The following TRIM2 variants were observed in gnomAD, a reference collection of about 807,000 sequenced individuals.
TRIM2 encodes the protein tripartite motif-containing protein 2.
In TRIM2, 20 loss-of-function variants were observed where a neutral mutation model predicts 75.2. The ratio of observed to expected loss-of-function variants is 0.27; its 90% CI spans 0.19 to 0.39. The LOEUF is 0.39. Ranked by LOEUF, TRIM2 falls within the 10% of genes least tolerant of loss-of-function variation. The probability of loss-of-function intolerance (pLI) is 1.00; values close to 1 mark genes in which losing one functional copy is unlikely to be tolerated. For synonymous variants in TRIM2, 373 were observed against 388.3 expected (o/e 0.96, Z 0.46); for missense variants, 660 against 990.8 (o/e 0.67, Z 4.48).
In TRIM2 at chr4:153,295,127, A is replaced by G. The variant is rs1011921991; in HGVS notation, c.787-186A>G. The stretch of plus-strand genomic sequence containing the variant: ...GGGCGAGGCGGAAGGGAAACCTCGA[A>G]AAGGTACTGGGAATGCAGTTTAGGA... On this transcript the variant is annotated intron_variant, in intron 5 of 11. Transcript: ENST00000338700. The surrounding 1 kb of genome is among the most constrained non-coding windows in gnomAD (Gnocchi z 7.2). 1.3e-5 allele frequency among the ~76,000 whole-genome samples: 2 copies of G among 152,224 alleles called. No homozygotes were observed. Among genetic ancestry groups the G allele is most frequent in the Non-Finnish European group, 2.9e-5 (2 of 68,042 alleles).
intron 1 of TRIM2, among the ~76,000 whole-genome samples, chr4:153,266,032 A>G (rs925817369): frequency 2.6e-5 from 4 of 152,058 alleles, no homozygotes; most frequent in African/African-American, 9.7e-5. Flanking sequence ...TTAGAGAGAC[A>G]CTCTATGGAA....
chr4:153,259,180 G>A (rs1369825514), intron 1 of TRIM2, among the ~76,000 whole-genome samples: 1 of 152,148 alleles, frequency 6.6e-6, no homozygotes, highest in Non-Finnish European at 1.5e-5. Flanking sequence ...TTTTTTAAAA[G>A]AAGACTAAAA....
chr4:153,200,724 AATATATAT>A (rs1328920767), upstream of TRIM2, among the ~76,000 whole-genome samples: 1 of 138,142 alleles, frequency 7.2e-6, no homozygotes. Context: ...AAGAAAAAAA[AATATATAT>A]ATATATATAT....
chr4:153,211,689 A>G (rs1397972301), intron 1 of TRIM2, among the ~76,000 whole-genome samples: 1 of 151,614 alleles, frequency 6.6e-6, no homozygotes. Flanking sequence ...GGATTTTACC[A>G]TGTTGCCTGG....
chr4:153,186,838 T>A (rs1474160907), intron 1 of TRIM2, among the ~76,000 whole-genome samples: 2 of 152,092 alleles, frequency 1.3e-5, no homozygotes, highest in Non-Finnish European at 2.9e-5. Flanking sequence ...AAAAACAAGC[T>A]CTACCTGTGT....
intron 1 of TRIM2, among the ~76,000 whole-genome samples, chr4:153,269,293 T>TG (rs1756048601): frequency 6.6e-6 from 1 of 152,226 alleles, no homozygotes; most frequent in Non-Finnish European, 1.5e-5. Flanking sequence ...TTTGGACTCC[T>TG]GGGGCAGTAA....
rs745623327 is a variant in TRIM2 at position 153,293,111 on chromosome 4, C to A, written c.583C>A (p.Gln195Lys). 3.1e-6 allele frequency: 5 copies of A among 1,608,594 alleles called. No homozygotes were observed. The Admixed American group carries it at 5.0e-5, about 16-fold the overall frequency. The change falls in exon 4 of 12, where the codon CAG (glutamine) becomes AAG (lysine). Residue 195 changes from glutamine to lysine, a missense_variant. Physicochemically the swap from Gln to Lys is moderately conservative, Grantham distance 53 (BLOSUM62 1). Transcript: ENST00000338700. Reference sequence around the variant, plus strand: ...ACAGCACAAGGCCTCGCTCCAGGTCCAGCTGGATGCTGTCAACAAAAGGTG... The same window carrying A: ...ACAGCACAAGGCCTCGCTCCAGGTCAAGCTGGATGCTGTCAACAAAAGGTG... ...VEQHKASLQV[Q>K]LDAVNKRLPE...
intron 1 of TRIM2, among the ~76,000 whole-genome samples, chr4:153,210,058 A>ATTTTTT (rs761134144): frequency 3.6e-4 from 39 of 106,966 alleles, no homozygotes; most frequent in East Asian, 7.8e-4. Flanking sequence ...GGGTGATTTA[A>ATTTTTT]TTTTTTTTTT....
rs1328832119 is a variant in TRIM2, at chr4:153,308,266, A to G, written c.1511-7219A>G. On this transcript the variant is annotated intron_variant, in intron 6 of 11. Coordinates refer to ENST00000338700, the MANE Select transcript of TRIM2 (RefSeq NM_015271.5). ...GCCAGGGCAACCATCAGCTTGCAGAAGTCACCAGATGTGTCCGAAATAATG... is the reference window on the plus strand; with the variant it reads ...GCCAGGGCAACCATCAGCTTGCAGAGGTCACCAGATGTGTCCGAAATAATG... 2.6e-6 allele frequency: 4 copies of G among 1,551,762 alleles called. No homozygotes were observed. In the African/African-American group the frequency reaches 4.1e-5, roughly 16 times the overall value.
In TRIM2 at chr4:153,337,217, ATT is replaced by A; in HGVS notation, c.*2253_*2254del. On this transcript the variant is annotated 3_prime_UTR_variant, in exon 12 of 12. Transcript: ENST00000338700. ...TTTTCACAAGTAAAAATGGCTTTTT[ATT>A]TAGATTCTTTCTGTCCCAGGCTGTT... 2 of 985,482 alleles carry A rather than the reference ATT, an allele frequency of 2.0e-6. No individual in the cohort carries two copies. Among genetic ancestry groups the A allele is most frequent in the Non-Finnish European group, 2.4e-6 (2 of 829,894 alleles). 61.0% of individuals were successfully genotyped at this position (985,482 alleles called of 1,614,324 possible). A position where few individuals can be genotyped will look rare whatever the true frequency, so the allele number is the denominator to read the frequency against.
At chr4:153,288,849 G>C (rs551956873) in intron 3 of TRIM2, among the ~76,000 whole-genome samples, 3 of 150,080 alleles carry the variant, frequency 2.0e-5, no homozygotes, top group Admixed American at 2.0e-4. Flanking sequence ...TCTTCTTCCT[G>C]CTTGAATTTT....
intron 1 of TRIM2, among the ~76,000 whole-genome samples, chr4:153,230,489 C>T (rs77308322): frequency 0.011 from 1,666 of 152,304 alleles, 19 homozygotes; most frequent in African/African-American, 0.037. Context: ...AGCCCATGTT[C>T]AGTCTCAAAA....
intron 1 of TRIM2, among the ~76,000 whole-genome samples, chr4:153,263,594 A>G (rs1754135214): frequency 6.6e-6 from 1 of 152,356 alleles, no homozygotes; most frequent in South Asian, 2.1e-4. Flanking sequence ...GTGCCCTTGT[A>G]GGCCTTACAT....
chr4:153,315,187 T>G (rs1767326382), intron 6 of TRIM2, among the ~76,000 whole-genome samples: 1 of 152,242 alleles, frequency 6.6e-6, no homozygotes, highest in Non-Finnish European at 1.5e-5. Context: ...TATTAGTTTT[T>G]ATTATGATGT....
At chr4:153,249,638 G>A (rs1750329467) in intron 1 of TRIM2, among the ~76,000 whole-genome samples, 1 of 150,558 alleles carries the variant, frequency 6.6e-6, no homozygotes. Context: ...CCCCGGCCCT[G>A]GGGGCCTCTG....
At chr4:153,310,182 TA>T (rs1765944439) in intron 6 of TRIM2, 1 of 152,370 alleles carries the variant, frequency 6.6e-6, no homozygotes, top group African/African-American at 2.4e-5. Context: ...ATAATTACTT[TA>T]AAAATTCTTG....
chr4:153,199,351 A>G (rs2149675371), intron 1 of TRIM2, among the ~76,000 whole-genome samples: 1 of 152,252 alleles, frequency 6.6e-6, no homozygotes, highest in African/African-American at 2.4e-5. Context: ...TCTTTTCTTG[A>G]TTGATTTTAA....
intron 1 of TRIM2, among the ~76,000 whole-genome samples, chr4:153,263,139 G>A (rs1359290566): frequency 1.3e-5 from 2 of 152,126 alleles, no homozygotes; most frequent in African/African-American, 2.4e-5. Flanking sequence ...GAAACCAGCT[G>A]TGCAACATAG....
At chr4:153,175,709 C>A (rs1731366318) in intron 1 of TRIM2, among the ~76,000 whole-genome samples, 1 of 152,162 alleles carries the variant, frequency 6.6e-6, no homozygotes, top group Non-Finnish European at 1.5e-5. Context: ...ATATCTGAGA[C>A]ATGACAATTA....
Sources: gnomAD v4.1 joint callset for allele counts (sites outside exome capture counted in the v4.1 genomes callset) on GRCh38, gnomAD v4.1.1 for gene constraint, Gnocchi (gnomAD v3.1) non-coding constraint, MANE v1.5 for transcripts, NCBI Gene and HGNC (gene_info 2026-07-23, HGNC 2026-07-21) for gene names.